The following RMDN1 variants were observed in gnomAD, a reference collection of about 807,000 sequenced individuals.
The protein encoded by RMDN1 is regulator of microtubule dynamics protein 1.
Under a neutral mutation model 48.9 loss-of-function variants are expected in RMDN1, and 48 were observed. The observed-to-expected ratio is 0.98, with a 90% CI of 0.78 to 1.25. The LOEUF (loss-of-function observed/expected upper bound fraction) is 1.25, where lower values mean the gene tolerates loss of function less well. Among genes scored for constraint, RMDN1 ranks in the 50% most tolerant of loss-of-function variants. RMDN1 has a pLI of 0.00. For synonymous variants in RMDN1, 148 were observed against 132.6 expected (o/e 1.12, Z -0.80); for missense variants, 418 against 373.4 (o/e 1.12, Z -0.98).
chr8:86,492,420 A>G (rs1183452294), intron 2 of RMDN1, among the ~76,000 whole-genome samples: 2 of 152,072 alleles, frequency 1.3e-5, no homozygotes, highest in African/African-American at 4.8e-5. Context: ...TGGGAGGCCA[A>G]GGCGGGTGGA....
chr8:86,475,970 TAC>T lies in RMDN1; in HGVS notation c.761-1019_761-1018del, dbSNP rs1012261569. ...ACAAAGTCCACATCTTCTCAGAATG[TAC>T]AGTCTTACACATGTAAATGTTCATA... On this transcript the variant is annotated intron_variant, in intron 8 of 9. Transcript: ENST00000406452. Among the ~76,000 whole-genome samples, 27 of 152,306 alleles carry T rather than the reference TAC, an allele frequency of 1.8e-4. 1 individual carries two copies. In the Middle Eastern group the frequency reaches 0.02, roughly 115 times the overall value.
intron 5 of RMDN1, chr8:86,482,858 C>A (rs1814773524): frequency 8.6e-7 from 1 of 1,158,090 alleles, no homozygotes; most frequent in South Asian, 1.2e-5. Flanking sequence ...CTTTGCTGAA[C>A]ATACAGAAGG....
At chr8:86,503,610 T>C (rs1380698304) in intron 2 of RMDN1, 10 of 488,784 alleles carry the variant, frequency 2.0e-5, no homozygotes, top group East Asian at 1.1e-4. Context: ...GCTCTGATCG[T>C]TGCCATTACA....
intron 1 of RMDN1, 41 bp downstream of exon 1, chr8:86,508,451 G>T (rs766898807): frequency 1.3e-6 from 2 of 1,530,772 alleles, no homozygotes; most frequent in South Asian, 1.2e-5. Flanking sequence ...GGAACCCACT[G>T]AGTAGGAAGT....
intron 9 of RMDN1, chr8:86,474,560 A>T: frequency 2.9e-6 from 2 of 698,750 alleles, no homozygotes; most frequent in Middle Eastern, 4.7e-4. Context: ...TGTTTTAGAA[A>T]TGTTAACTCG....
At chr8:86,505,425 T>A in intron 2 of RMDN1, 1 of 453,264 alleles carries the variant, frequency 2.2e-6, no homozygotes, top group Non-Finnish European at 4.5e-6. Context: ...TCCCCCAACC[T>A]CAGACTTATC....
intron 7 of RMDN1, 68 bp from the exon 8 acceptor site, chr8:86,477,392 G>C (rs1813566862): frequency 2.4e-6 from 3 of 1,265,294 alleles, no homozygotes; most frequent in Non-Finnish European, 2.2e-6. Flanking sequence ...AAAAAGCATT[G>C]TCTCAAAGAT....
At chr8:86,496,224 A>G (rs896454099) in intron 2 of RMDN1, among the ~76,000 whole-genome samples, 1 of 152,262 alleles carries the variant, frequency 6.6e-6, no homozygotes, top group Non-Finnish European at 1.5e-5. Flanking sequence ...GCGACACTGT[A>G]AAGCAACTAT....
chr8:86,503,045 A>G (rs1344654484), intron 2 of RMDN1, among the ~76,000 whole-genome samples: 1 of 152,138 alleles, frequency 6.6e-6, no homozygotes, highest in Non-Finnish European at 1.5e-5. Flanking sequence ...TGTTAGCTCC[A>G]TTACCTATAT....
At chr8:86,493,982 T>C (rs1049747787) in intron 2 of RMDN1, among the ~76,000 whole-genome samples, 1 of 152,130 alleles carries the variant, frequency 6.6e-6, no homozygotes, top group South Asian at 2.1e-4. Flanking sequence ...CTCACTTATA[T>C]GTGGAATCTA....
At chr8:86,482,031 T>G in intron 5 of RMDN1, 1 of 731,954 alleles carries the variant, frequency 1.4e-6, no homozygotes, top group Non-Finnish European at 2.4e-6. Context: ...TGTCTTTGCA[T>G]CGTAAATGCT....
intron 2 of RMDN1, among the ~76,000 whole-genome samples, chr8:86,506,387 T>C (rs542802774): frequency 6.6e-6 from 1 of 152,324 alleles, no homozygotes; most frequent in East Asian, 1.9e-4. Context: ...GGTCATGCCA[T>C]GCTTGTCTAT....
intron 2 of RMDN1, among the ~76,000 whole-genome samples, chr8:86,506,325 C>G (rs1819346042): frequency 6.6e-6 from 1 of 151,792 alleles, no homozygotes; most frequent in Non-Finnish European, 1.5e-5. Flanking sequence ...AACCTCAGCT[C>G]TGGGATTTTT....
upstream of RMDN1, chr8:86,508,688 GA>G (rs145843334): frequency 4.2e-6 from 6 of 1,433,560 alleles, no homozygotes; most frequent in East Asian, 1.6e-4. Flanking sequence ...GGCTAAAGGA[GA>G]TTCAATCCTT....
upstream of RMDN1, among the ~76,000 whole-genome samples, chr8:86,510,357 T>C (rs1343149025): frequency 1.3e-5 from 2 of 152,248 alleles, no homozygotes; most frequent in East Asian, 3.8e-4. Context: ...TACTGTCCTT[T>C]ATACTAATGA....
chr8:86,492,407 C>T (rs1251994618), intron 2 of RMDN1, among the ~76,000 whole-genome samples: 1 of 152,022 alleles, frequency 6.6e-6, no homozygotes, highest in African/African-American at 2.4e-5. Flanking sequence ...AATCCTAGCA[C>T]TTTGGGAGGC....
At chr8:86,487,445 G>A (rs191616052) in intron 3 of RMDN1, among the ~76,000 whole-genome samples, 437 of 152,158 alleles carry the variant, frequency 2.9e-3, no homozygotes, top group African/African-American at 9.9e-3. Flanking sequence ...AAAATTAGCC[G>A]GGTGTGGTGG....
rs1447439551 is a variant in RMDN1 at position 86,507,006 on chromosome 8, G to A, written c.236C>T (p.Ala79Val). 1.3e-6 allele frequency: 2 copies of A among 1,593,034 alleles called. No individual in the cohort carries two copies. Among genetic ancestry groups the A allele is most frequent in the Non-Finnish European group, 1.7e-6 (2 of 1,161,084 alleles). Residue 79 changes from alanine (A) to valine (V), a missense_variant, in exon 2 of 10, where the codon GCC becomes GTC. Physicochemically the swap from Ala to Val is moderately conservative, Grantham distance 64. Transcript: ENST00000406452. Reference sequence around the variant, plus strand: ...TAATTTATGCTTACCTTTGGCTGTGGCATGAACCACAGCAGCCTGAGAGAT... The same window carrying A: ...TAATTTATGCTTACCTTTGGCTGTGACATGAACCACAGCAGCCTGAGAGAT... ...QVISQAAVVH[A>V]TAKVEEILEQ... is the part of the protein sequence containing the mutation.
At position 86,472,995 on chromosome 8, in the gene RMDN1, T is replaced by C. The variant is rs575642447; in HGVS notation, c.*1313A>G. Reference sequence around the variant, plus strand: ...CTTGGGTCCCATCTCCAAGATATCTTATTGTGTGTATGCAGGTATTCCAAA... The same window carrying C: ...CTTGGGTCCCATCTCCAAGATATCTCATTGTGTGTATGCAGGTATTCCAAA... On this transcript the variant is annotated 3_prime_UTR_variant, in exon 10 of 10. Transcript: ENST00000406452. 23 of 343,370 alleles carry C rather than the reference T, an allele frequency of 6.7e-5. No homozygotes were observed. The South Asian group carries it at 2.4e-3, about 35-fold the overall frequency. The allele number at this position is 343,370 out of a possible 1,614,324, so 21.3% of individuals were successfully genotyped here. A position where few individuals can be genotyped will look rare whatever the true frequency, so the allele number is the denominator to read the frequency against.
Sources: allele counts gnomAD v4.1 joint callset (sites outside exome capture counted in the v4.1 genomes callset), GRCh38; gene constraint gnomAD v4.1.1; transcripts MANE v1.5; gene names NCBI Gene and HGNC (gene_info 2026-07-23, HGNC 2026-07-21).